Variants in WDR27 observed in about 807,000 individuals in gnomAD.
WDR27 encodes WD repeat domain 27.
WDR27 carries 100 observed loss-of-function variants against 114.4 expected under a neutral mutation model. The ratio of observed to expected loss-of-function variants is 0.87; its 90% CI spans 0.74 to 1.03. The LOEUF (loss-of-function observed/expected upper bound fraction) is 1.03, where lower values mean the gene tolerates loss of function less well. Ranked by LOEUF, WDR27 falls within the 50% of genes least tolerant of loss-of-function variation. The pLI is 0.00. For missense variants in WDR27, 1,129 were observed against 1,092.9 expected (o/e 1.03, Z -0.47); for synonymous variants, 449 against 423.1 (o/e 1.06, Z -0.75).
intron 2 of WDR27, among the ~76,000 whole-genome samples, chr6:169,685,884 G>A (rs1419969640): frequency 3.9e-5 from 6 of 152,076 alleles, no homozygotes; most frequent in African/African-American, 1.4e-4. Flanking sequence ...AACCAAATAG[G>A]TCCTTTTAGA....
At chr6:169,499,140 G>C (rs529590265) in intron 25 of WDR27, among the ~76,000 whole-genome samples, 1 of 152,336 alleles carries the variant, frequency 6.6e-6, no homozygotes, top group East Asian at 1.9e-4. Context: ...AGCTCAGCAG[G>C]CTGCACATCT....
At chr6:169,469,236 C>T (rs1786016892) in intron 25 of WDR27, among the ~76,000 whole-genome samples, 1 of 152,178 alleles carries the variant, frequency 6.6e-6, no homozygotes, top group South Asian at 2.1e-4. Context: ...GTCTAAAAGT[C>T]CAAAGTCTCA....
At chr6:169,575,469 C>T (rs1313787782) in intron 24 of WDR27, among the ~76,000 whole-genome samples, 3 of 152,014 alleles carry the variant, frequency 2.0e-5, no homozygotes, top group African/African-American at 4.8e-5. Context: ...AAACGTGTTT[C>T]TGTAACATGT....
At chr6:169,548,577 T>C (rs1364933498) in intron 25 of WDR27, among the ~76,000 whole-genome samples, 1 of 152,192 alleles carries the variant, frequency 6.6e-6, no homozygotes, top group Non-Finnish European at 1.5e-5. Context: ...ATATTTCATA[T>C]ACTGAGAAGA....
the WDR27 span, among the ~76,000 whole-genome samples, chr6:169,437,963 A>T: frequency 3.9e-5 from 6 of 152,086 alleles, no homozygotes; most frequent in African/African-American, 1.4e-4. Context: ...ATATGGGTAT[A>T]CTGTGTGATG....
At chr6:169,643,615 G>C in intron 17 of WDR27, 82 bp downstream of exon 17, 1 of 1,187,810 alleles carries the variant, frequency 8.4e-7, no homozygotes, top group Non-Finnish European at 1.2e-6. Context: ...GGAAACAAAA[G>C]TGTCCTTTAG....
chr6:169,692,912 G>T (rs1450332683), intron 1 of WDR27, among the ~76,000 whole-genome samples: 1 of 152,104 alleles, frequency 6.6e-6, no homozygotes, highest in Non-Finnish European at 1.5e-5. Flanking sequence ...CATCACCTGA[G>T]AAACCAGAAT....
At chr6:169,690,493 T>C (rs1784203077) in intron 1 of WDR27, among the ~76,000 whole-genome samples, 1 of 152,182 alleles carries the variant, frequency 6.6e-6, no homozygotes, top group East Asian at 1.9e-4. Flanking sequence ...TGGGAGCTCT[T>C]CCCATTCTCC....
At chr6:169,626,604 C>A (rs1814914151) in intron 21 of WDR27, among the ~76,000 whole-genome samples, 2 of 152,230 alleles carry the variant, frequency 1.3e-5, no homozygotes, top group Non-Finnish European at 2.9e-5. Context: ...CACCTCCTGC[C>A]TCTGACCTGG....
At chr6:169,690,536 C>T (rs932971404) in intron 1 of WDR27, among the ~76,000 whole-genome samples, 6 of 152,200 alleles carry the variant, frequency 3.9e-5, no homozygotes, top group Non-Finnish European at 8.8e-5. Flanking sequence ...GAGCTGGCTC[C>T]CATCCCTGCC....
At chr6:169,701,094 A>G (rs1430865924) in intron 1 of WDR27, among the ~76,000 whole-genome samples, 1 of 152,244 alleles carries the variant, frequency 6.6e-6, no homozygotes, top group Admixed American at 6.5e-5. Flanking sequence ...TGTAGAGTTA[A>G]TACTCCTTTA....
chr6:169,465,528 C>G (rs922279408), intron 25 of WDR27, among the ~76,000 whole-genome samples: 2 of 152,108 alleles, frequency 1.3e-5, no homozygotes, highest in Non-Finnish European at 2.9e-5. Context: ...TATTATCCAG[C>G]AATTTCACCT....
At chr6:169,430,976 G>C in the WDR27 span, among the ~76,000 whole-genome samples, 1 of 152,106 alleles carries the variant, frequency 6.6e-6, no homozygotes, top group African/African-American at 2.4e-5. Context: ...GGGGGTGGGA[G>C]CACTCAGGGC....
At chr6:169,587,865 T>G (rs185278923) in intron 23 of WDR27, among the ~76,000 whole-genome samples, 113 of 152,340 alleles carry the variant, frequency 7.4e-4, no homozygotes, top group Non-Finnish European at 1.3e-3. Context: ...TTTCTTACAC[T>G]GGATTCATTT....
chr6:169,465,258 C>CAAAAAAAA (rs56688798), intron 25 of WDR27, among the ~76,000 whole-genome samples: 68 of 101,104 alleles, frequency 6.7e-4, no homozygotes, highest in East Asian at 5.2e-3. Flanking sequence ...AACTCCATCT[C>CAAAAAAAA]AAAAAAAAAA....
intron 25 of WDR27, among the ~76,000 whole-genome samples, chr6:169,533,324 G>A (rs562736795): frequency 2.0e-4 from 31 of 152,100 alleles, no homozygotes; most frequent in African/African-American, 7.5e-4. Flanking sequence ...CGGTGGTGAG[G>A]TGAGAACGAT....
chr6:169,476,129 TGTCCAGG>T (rs903610856), intron 25 of WDR27, among the ~76,000 whole-genome samples: 1 of 152,182 alleles, frequency 6.6e-6, no homozygotes, highest in African/African-American at 2.4e-5. Flanking sequence ...TCTTGGAACA[TGTCCAGG>T]GTCCAGGGTC....
intron 25 of WDR27, among the ~76,000 whole-genome samples, chr6:169,566,471 G>A (rs1800519361): frequency 2.0e-5 from 3 of 152,208 alleles, no homozygotes; most frequent in South Asian, 4.1e-4. Context: ...ACCACGTCAC[G>A]GGATGAGAAA....
At chr6:169,518,383 A>T (rs1793942776) in intron 25 of WDR27, among the ~76,000 whole-genome samples, 1 of 152,254 alleles carries the variant, frequency 6.6e-6, no homozygotes, top group South Asian at 2.1e-4. Context: ...TATCTTCTGA[A>T]ATCTAGGCCA....
Sources: gnomAD v4.1 joint callset for allele counts (sites outside exome capture counted in the v4.1 genomes callset) on GRCh38, gnomAD v4.1.1 for gene constraint, MANE v1.5 for transcripts, NCBI Gene and HGNC (gene_info 2026-07-23, HGNC 2026-07-21) for gene names.